The following KBTBD2 variants were observed in gnomAD, a reference collection of about 807,000 sequenced individuals.
KBTBD2 encodes the protein kelch repeat and BTB domain containing 2.
Under a neutral mutation model 57.1 loss-of-function variants are expected in KBTBD2, and 17 were observed. The ratio of observed to expected loss-of-function variants is 0.30; its 90% confidence interval spans 0.20 to 0.45. The LOEUF (loss-of-function observed/expected upper bound fraction) is 0.45, where lower values mean the gene tolerates loss of function less well. Among genes scored for constraint, KBTBD2 ranks in the 20% least tolerant of loss-of-function variants. The pLI is 1.00. For missense variants in KBTBD2, 515 were observed against 750.6 expected (o/e 0.69, Z 3.67); for synonymous variants, 267 against 262.7 (o/e 1.02, Z -0.16).
rs1409388103 is a variant in KBTBD2 at position 32,869,950 on chromosome 7, C to T, written c.1267G>A (p.Ala423Thr). The change falls in exon 4 of 4, where the codon GCA becomes ACA. Residue 423 changes from alanine (A) to threonine (T), a missense_variant. Physicochemically the swap from Ala to Thr is moderately conservative, Grantham distance 58 (BLOSUM62 0). Transcript: ENST00000304056. The part of the protein sequence containing the change: ...SPLPCAWQWS[A>T]AVVVHDCIYV... ...ATGCAGTCATGAACCACAACTGCTGCACTCCATTGCCAAGCACAAGGTAAA... is the reference window on the plus strand; with the variant it reads ...ATGCAGTCATGAACCACAACTGCTGTACTCCATTGCCAAGCACAAGGTAAA... The T allele has an allele frequency of 7.4e-6, 12 of 1,614,076 alleles. No individual in the cohort carries two copies. The highest frequency in any genetic ancestry group is 1.0e-5 in the Non-Finnish European group (12 of 1,180,010).
chr7:32,870,259 T>C lies in KBTBD2; in HGVS notation c.958A>G (p.Ile320Val), dbSNP rs1784141630. 3 of 1,614,170 alleles carry C rather than the reference T, an allele frequency of 1.9e-6. No homozygotes were observed. The highest frequency in any genetic ancestry group is 1.7e-6 in the Non-Finnish European group (2 of 1,180,012). ...TVVTPDNDIY[I>V]AGGQVPLKNT... Reference sequence around the variant, plus strand: ...TTCAGAGGAACTTGACCCCCTGCTATGTAGATATCATTATCAGGAGTTACA... The same window carrying C: ...TTCAGAGGAACTTGACCCCCTGCTACGTAGATATCATTATCAGGAGTTACA... Residue 320 changes from isoleucine (I) to valine (V), a missense_variant, in exon 4 of 4, where the codon ATA becomes GTA. By Grantham distance (29) the Ile-to-Val change is conservative. Coordinates refer to ENST00000304056, the MANE Select transcript of KBTBD2 (RefSeq NM_015483.3).
chr7:32,873,618 C>G (rs1784235919), intron 3 of KBTBD2, among the ~76,000 whole-genome samples: 1 of 152,084 alleles, frequency 6.6e-6, no homozygotes, highest in South Asian at 2.1e-4. Context: ...CCTGTAATCC[C>G]AGCTATTCAG....
At chr7:32,883,643 G>A (rs16875998) in intron 1 of KBTBD2, among the ~76,000 whole-genome samples, 2,516 of 152,192 alleles carry the variant, frequency 0.017, 30 homozygotes, top group Non-Finnish European at 0.027. Flanking sequence ...GCTTCAAAAC[G>A]TCACAGACCC....
Position 32,879,448 on chromosome 7 carries a change from T to C in KBTBD2, c.157A>G (p.Ser53Gly). 1 of 1,609,048 alleles carries C rather than the reference T, an allele frequency of 6.2e-7. No individual in the cohort carries two copies. Among genetic ancestry groups the C allele is most frequent in the Non-Finnish European group, 8.5e-7 (1 of 1,176,148 alleles). ...PCHKMVLATCSSYFRAMFMSG... is the reference protein window; with the variant it reads ...PCHKMVLATCGSYFRAMFMSG... Reference sequence around the variant, plus strand: ...AAAAGTACTTACCTGAAATAAGAGCTACATGTTGCAAGAACCATCTTATGA... The same window carrying C: ...AAAAGTACTTACCTGAAATAAGAGCCACATGTTGCAAGAACCATCTTATGA... The change falls in exon 2 of 4, where the codon AGC (serine) becomes GGC (glycine). Residue 53 changes from serine (S) to glycine (G), a missense_variant. Ser to Gly is a moderately conservative substitution (Grantham distance 56). Transcript: ENST00000304056.
intron 3 of KBTBD2, 38 bp downstream of exon 3, chr7:32,874,954 G>C: frequency 6.3e-7 from 1 of 1,584,724 alleles, no homozygotes; most frequent in Non-Finnish European, 8.6e-7. Context: ...CTGGGCAACA[G>C]AGAGAGACTC....
rs149035536 is a variant in KBTBD2, at chr7:32,874,676, C to G, written c.336+316G>C. The G allele has an allele frequency of 7.2e-4, 131 of 180,884 alleles. 1 individual carries two copies. Among genetic ancestry groups the G allele is most frequent in the African/African-American group, 2.9e-3 (124 of 42,554 alleles). The allele number at this position is 180,884 out of a possible 1,614,324, so 11.2% of individuals were successfully genotyped here. A position where few individuals can be genotyped will look rare whatever the true frequency, so the allele number is the denominator to read the frequency against. On this transcript the variant is annotated intron_variant, in intron 3 of 3. Coordinates refer to ENST00000304056, the MANE Select transcript of KBTBD2 (RefSeq NM_015483.3). ...CATAATAAACCAATAAGCTACAACT[C>G]ATGTATGTAACTGAGTAAAAAAATG...
upstream of KBTBD2, chr7:32,891,874 G>GCCCGCCGCC (rs554794335): frequency 0.19 from 17,796 of 93,776 alleles, 2,482 homozygotes; most frequent in African/African-American, 0.32. Flanking sequence ...GAGACGCCGG[G>GCCCGCCGCC]CCCGCCGCCC....
At chr7:32,884,145 G>C (rs1435173235) in intron 1 of KBTBD2, among the ~76,000 whole-genome samples, 1 of 152,158 alleles carries the variant, frequency 6.6e-6, no homozygotes, top group East Asian at 1.9e-4. Flanking sequence ...ACAGGAGGAA[G>C]GAAAAACTTA....
chr7:32,870,688 G>C lies in KBTBD2; in HGVS notation c.529C>G (p.Leu177Val). The C allele has an allele frequency of 6.2e-7, 1 of 1,614,088 alleles. No homozygotes were observed. ...TTGTCACTACTGAGAATATCTATCAGTAGGTCATGTGACAGCTGCATGAAC... is the reference window on the plus strand; with the variant it reads ...TTGTCACTACTGAGAATATCTATCACTAGGTCATGTGACAGCTGCATGAAC... ...DAFMQLSHDL[L>V]IDILSSDNLN... The change falls in exon 4 of 4, where the codon CTG becomes GTG. Residue 177 changes from leucine to valine, a missense_variant. Leu to Val is a conservative substitution (Grantham distance 32). Coordinates refer to ENST00000304056, the MANE Select transcript of KBTBD2 (RefSeq NM_015483.3).
intron 3 of KBTBD2, chr7:32,874,626 CAAT>C (rs1302758189): frequency 6.5e-6 from 1 of 154,530 alleles, no homozygotes; most frequent in Non-Finnish European, 1.4e-5. Flanking sequence ...AAATGTTTAA[CAAT>C]GTTTCCTCAC....
At chr7:32,880,106 T>C (rs1784410310) in intron 1 of KBTBD2, among the ~76,000 whole-genome samples, 164 bp from the exon 2 acceptor site, 1 of 152,202 alleles carries the variant, frequency 6.6e-6, no homozygotes, top group Non-Finnish European at 1.5e-5. Flanking sequence ...TAGTCTACAT[T>C]TAAAATTAAA....
In KBTBD2 at chr7:32,868,749, T is replaced by A. The variant is rs1784089204; in HGVS notation, c.*596A>T. ...GTATTCTAGATAGACAAGTATAAGT[T>A]AGTGAAAAGAGAATACATGCACCTA... On this transcript the variant is annotated 3_prime_UTR_variant, in exon 4 of 4. Transcript: ENST00000304056. 1 of 152,626 alleles carries A rather than the reference T, an allele frequency of 6.6e-6. No individual in the cohort carries two copies. The highest frequency in any genetic ancestry group is 2.1e-4 in the South Asian group (1 of 4,828). 9.5% of individuals were successfully genotyped at this position (152,626 alleles called of 1,614,324 possible).
At chr7:32,871,544 T>C (rs956063921) in intron 3 of KBTBD2, among the ~76,000 whole-genome samples, 1 of 152,236 alleles carries the variant, frequency 6.6e-6, no homozygotes, top group African/African-American at 2.4e-5. Context: ...TCACAGTGAT[T>C]AACTAGAAAC....
intron 3 of KBTBD2, among the ~76,000 whole-genome samples, chr7:32,874,294 G>A (rs1028505997): frequency 3.3e-5 from 5 of 152,094 alleles, no homozygotes; most frequent in African/African-American, 1.2e-4. Context: ...CAGCTACTCG[G>A]GAGGCTGAGG....
Position 32,870,274 on chromosome 7 carries a change from C to T in KBTBD2, c.943G>A (p.Asp315Asn). 1 of 1,614,136 alleles carries T rather than the reference C, an allele frequency of 6.2e-7. No individual in the cohort carries two copies. Among genetic ancestry groups the T allele is most frequent in the South Asian group, 1.1e-5 (1 of 91,084 alleles). Residue 315 changes from aspartate (D) to asparagine (N), a missense_variant, in exon 4 of 4, where the codon GAT becomes AAT. Physicochemically the swap from Asp to Asn is conservative, Grantham distance 23. Transcript: ENST00000304056. The part of the protein sequence containing the change: ...LHKVGTVVTP[D>N]NDIYIAGGQV... ...CCCCCTGCTATGTAGATATCATTAT[C>T]AGGAGTTACAACGGTCCCAACCTTA...
Position 32,869,360 on chromosome 7 carries a change from T to C in KBTBD2, c.1857A>G (p.Ala619=). The C allele has an allele frequency of 1.2e-6, 2 of 1,610,062 alleles. No homozygotes were observed. The highest frequency in any genetic ancestry group is 1.7e-6 in the Non-Finnish European group (2 of 1,177,588). ...EEFELDGEMV[A]LPPV ...AACTTCCCCACTATACAGGTGGTAG[T>C]GCAACCATTTCTCCATCCAGTTCAA... The change falls in exon 4 of 4, where the codon GCA becomes GCG. Residue 619 remains alanine, a synonymous_variant. Coordinates refer to ENST00000304056, the MANE Select transcript of KBTBD2 (RefSeq NM_015483.3).
intron 1 of KBTBD2, among the ~76,000 whole-genome samples, chr7:32,890,234 A>C (rs1046533473): frequency 3.3e-5 from 5 of 152,222 alleles, no homozygotes; most frequent in Non-Finnish European, 7.3e-5. Flanking sequence ...CCCCAACCTA[A>C]AAGGGCTTCA....
intron 3 of KBTBD2, among the ~76,000 whole-genome samples, chr7:32,872,953 G>T (rs1438308622): frequency 6.6e-6 from 1 of 152,180 alleles, no homozygotes. Context: ...CATAAAGCAT[G>T]AACTGAGTTC....
intron 1 of KBTBD2, among the ~76,000 whole-genome samples, chr7:32,885,986 G>A (rs1784571660): frequency 6.7e-6 from 1 of 149,202 alleles, no homozygotes; most frequent in African/African-American, 2.5e-5. Flanking sequence ...TAGGCTCACT[G>A]CCACCTCCAC....
Sources: gnomAD v4.1 joint callset for allele counts (sites outside exome capture counted in the v4.1 genomes callset) on GRCh38, gnomAD v4.1.1 for gene constraint, MANE v1.5 for transcripts, NCBI Gene and HGNC (gene_info 2026-07-23, HGNC 2026-07-21) for gene names.